CDK17: variants seen among roughly 807,000 people sequenced by gnomAD.
CDK17 encodes cyclin dependent kinase 17.
Under a neutral mutation model 77.6 loss-of-function variants are expected in CDK17, and 24 were observed. That is an observed-to-expected ratio of 0.31 (90% CI 0.22 to 0.44). The LOEUF (loss-of-function observed/expected upper bound fraction) is 0.44, where lower values mean the gene tolerates loss of function less well. Among genes scored for constraint, CDK17 ranks in the 20% least tolerant of loss-of-function variants. The probability of loss-of-function intolerance (pLI) is 1.00; values close to 1 mark genes in which losing one functional copy is unlikely to be tolerated. For synonymous variants in CDK17, 203 were observed against 210.4 expected, an observed-to-expected ratio of 0.96 and a Z score of 0.30; for missense variants, 429 against 622.5, an observed-to-expected ratio of 0.69 and a Z score of 3.31.
At chr12:96,326,762 T>C (rs1213845273) in intron 2 of CDK17, among the ~76,000 whole-genome samples, 1 of 152,166 alleles carries the variant, frequency 6.6e-6, no homozygotes, top group African/African-American at 2.4e-5. Context: ...AACCACTGTG[T>C]TAGAGGACTA....
chr12:96,310,350 T>C (rs1373604969), intron 5 of CDK17, among the ~76,000 whole-genome samples: 1 of 151,988 alleles, frequency 6.6e-6, no homozygotes. Flanking sequence ...TAATTACATA[T>C]TCATAATTAC....
intron 1 of CDK17, among the ~76,000 whole-genome samples, chr12:96,373,776 T>C (rs1592761970): frequency 6.6e-6 from 1 of 151,342 alleles, no homozygotes; most frequent in Non-Finnish European, 1.5e-5. Flanking sequence ...AAAAATTAGC[T>C]GGGCGTGGTG....
intron 5 of CDK17, among the ~76,000 whole-genome samples, chr12:96,310,401 A>G (rs1952631780): frequency 6.6e-6 from 1 of 152,142 alleles, no homozygotes. Context: ...CAGAAAGAGA[A>G]TATTACACAT....
chr12:96,291,680 A>G (rs1952326867), intron 10 of CDK17, among the ~76,000 whole-genome samples: 1 of 135,292 alleles, frequency 7.4e-6, no homozygotes, highest in African/African-American at 2.8e-5. Flanking sequence ...ATGCAGTGGC[A>G]TGATCTTGGC....
At chr12:96,347,761 G>A (rs529253350) in intron 1 of CDK17, among the ~76,000 whole-genome samples, 36 of 152,142 alleles carry the variant, frequency 2.4e-4, no homozygotes, top group African/African-American at 4.8e-4. Flanking sequence ...CTCTTCAAGC[G>A]CATATGGAAC....
At chr12:96,315,499 T>G (rs1476216111) in intron 3 of CDK17, among the ~76,000 whole-genome samples, 1 of 152,208 alleles carries the variant, frequency 6.6e-6, no homozygotes, top group Non-Finnish European at 1.5e-5. Context: ...GGTGATTGAT[T>G]CCTAACCTCT....
rs1231753604 is a variant in CDK17 at position 96,280,165 on chromosome 12, G to T, written c.*77C>A. On this transcript the variant is annotated 3_prime_UTR_variant, in exon 17 of 17. Transcript: ENST00000261211. ...AACGGAGATTCCAAGTCCACCAAAA[G>T]AAATAATTGCCTTCAGTTCTGAGTC... is the stretch of plus-strand genomic sequence containing the variant. 11 of 1,441,126 alleles carry T rather than the reference G, an allele frequency of 7.6e-6. No individual in the cohort carries two copies. The highest frequency in any genetic ancestry group is 2.5e-5 in the East Asian group (1 of 39,438). The allele number at this position is 1,441,126 out of a possible 1,614,324, so 89.3% of individuals were successfully genotyped here.
chr12:96,291,983 A>G (rs1008957989), intron 10 of CDK17, among the ~76,000 whole-genome samples: 1 of 152,186 alleles, frequency 6.6e-6, no homozygotes, highest in Non-Finnish European at 1.5e-5. Context: ...TGAAAAGGAA[A>G]TAGTGGCTGG....
chr12:96,286,791 C>CTA, intron 11 of CDK17, 30 bp from the exon 12 acceptor site: 1 of 1,528,228 alleles, frequency 6.5e-7, no homozygotes, highest in Non-Finnish European at 9.0e-7. Context: ...AATAATTTAG[C>CTA]AATTCATTTA....
chr12:96,372,194 T>C (rs1315651125), intron 1 of CDK17, among the ~76,000 whole-genome samples: 1 of 152,150 alleles, frequency 6.6e-6, no homozygotes, highest in African/African-American at 2.4e-5. Flanking sequence ...CAACTTTCCA[T>C]GGCAACAGTA....
intron 1 of CDK17, among the ~76,000 whole-genome samples, chr12:96,385,243 C>T (rs190535187): frequency 0.021 from 2,379 of 111,270 alleles, 31 homozygotes; most frequent in Middle Eastern, 0.096. Context: ...ACCCGGGAGG[C>T]GGAGAGGTTG....
At chr12:96,398,600 A>T (rs78411201) in intron 1 of CDK17, among the ~76,000 whole-genome samples, 1 of 152,354 alleles carries the variant, frequency 6.6e-6, no homozygotes, top group Non-Finnish European at 1.5e-5. Flanking sequence ...TGATCTTCTC[A>T]CACGAACGCC....
rs1421153103 is a variant in CDK17, at chr12:96,372,617, AG to A, written c.-30+27368del. On this transcript the variant is annotated intron_variant, in intron 1 of 16. Transcript: ENST00000261211. ...AGATTTTCACCAAAACAGTAAGAAA[AG>A]GTGTACCTGAATAATCAACTGAAAA... 7.9e-5 allele frequency among the ~76,000 whole-genome samples: 12 copies of A among 152,300 alleles called. No homozygotes were observed. In the East Asian group the frequency reaches 2.3e-3, roughly 29 times the overall value.
chr12:96,389,848 TGAGA>T, intron 1 of CDK17, among the ~76,000 whole-genome samples: 1 of 134,002 alleles, frequency 7.5e-6, no homozygotes, highest in Non-Finnish European at 1.6e-5. Context: ...TTTTTTTTTT[TGAGA>T]GGAAGTCTCA....
intron 1 of CDK17, among the ~76,000 whole-genome samples, chr12:96,378,416 C>T (rs1032099876): frequency 6.6e-6 from 1 of 152,144 alleles, no homozygotes; most frequent in Non-Finnish European, 1.5e-5. Flanking sequence ...TAGTTCCTTC[C>T]TTTCCAGCAC....
At chr12:96,390,200 G>T (rs1402203980) in intron 1 of CDK17, among the ~76,000 whole-genome samples, 1 of 148,430 alleles carries the variant, frequency 6.7e-6, no homozygotes, top group African/African-American at 2.5e-5. Flanking sequence ...CGCCCAGGCT[G>T]GAGTGCAGTG....
chr12:96,379,205 A>C (rs1953835766), intron 1 of CDK17, among the ~76,000 whole-genome samples: 2 of 152,220 alleles, frequency 1.3e-5, no homozygotes, highest in Non-Finnish European at 2.9e-5. Context: ...GCTGAAATGC[A>C]GTACAGCTGC....
intron 7 of CDK17, among the ~76,000 whole-genome samples, chr12:96,298,485 A>T (rs1489244352): frequency 2.0e-5 from 3 of 152,092 alleles, no homozygotes; most frequent in Non-Finnish European, 4.4e-5. Context: ...CCACATTACT[A>T]ATCAGTTGCC....
chr12:96,378,673 T>C (rs1192959204), intron 1 of CDK17, among the ~76,000 whole-genome samples: 2 of 152,252 alleles, frequency 1.3e-5, no homozygotes, highest in Non-Finnish European at 2.9e-5. Context: ...ACATGTATAT[T>C]GTTATTCATT....
Sources: allele counts gnomAD v4.1 joint callset (sites outside exome capture counted in the v4.1 genomes callset), GRCh38; gene constraint gnomAD v4.1.1; transcripts MANE v1.5; gene names NCBI Gene and HGNC (gene_info 2026-07-23, HGNC 2026-07-21).